Variants in ATP4B observed in about 807,000 individuals in gnomAD.
ATP4B encodes the protein potassium-transporting ATPase subunit beta.
ATP4B carries 27 observed loss-of-function variants against 35.3 expected under a neutral mutation model. The observed-to-expected ratio is 0.76, with a 90% CI of 0.56 to 1.05. The LOEUF (loss-of-function observed/expected upper bound fraction) is 1.05, where lower values mean the gene tolerates loss of function less well. Ranked by LOEUF, ATP4B falls within the 50% of genes least tolerant of loss-of-function variation. ATP4B has a pLI of 0.00. For missense variants in ATP4B, 375 were observed against 384.8 expected, an observed-to-expected ratio of 0.97 and a Z score of 0.21; for synonymous variants, 162 against 156.0, an observed-to-expected ratio of 1.04 and a Z score of -0.29.
intron 1 of ATP4B, among the ~76,000 whole-genome samples, chr13:113,657,754 C>T (rs1328221773): frequency 6.6e-6 from 1 of 152,278 alleles, no homozygotes; most frequent in African/African-American, 2.4e-5. Flanking sequence ...ATGCTGTTCT[C>T]AGACATACGG....
intron 1 of ATP4B, among the ~76,000 whole-genome samples, chr13:113,655,598 C>T (rs1026232269): frequency 5.3e-5 from 8 of 152,184 alleles, no homozygotes; most frequent in Admixed American, 3.9e-4. Flanking sequence ...ATGGGCGGCT[C>T]CTGGACACAG....
At chr13:113,657,237 G>A (rs1210096421) in intron 1 of ATP4B, among the ~76,000 whole-genome samples, 1 of 152,184 alleles carries the variant, frequency 6.6e-6, no homozygotes, top group African/African-American at 2.4e-5. Flanking sequence ...TGGGAATTGA[G>A]GAGGGCCTGA....
At chr13:113,655,311 C>T (rs1347493784) in intron 1 of ATP4B, among the ~76,000 whole-genome samples, 1 of 152,172 alleles carries the variant, frequency 6.6e-6, no homozygotes, top group East Asian at 1.9e-4. Flanking sequence ...AGTTATGGTT[C>T]CCCCATCACA....
At chr13:113,652,814 G>T in intron 4 of ATP4B, 59 bp downstream of exon 4, 1 of 1,579,674 alleles carries the variant, frequency 6.3e-7, no homozygotes, top group East Asian at 2.3e-5. Flanking sequence ...GGTGGGTGTG[G>T]GTGAGAGGCC....
chr13:113,650,542 G>T lies in ATP4B; in HGVS notation c.613-35C>A, dbSNP rs763927930. 1.3e-6 allele frequency: 2 copies of T among 1,560,906 alleles called. No individual in the cohort carries two copies. The highest frequency in any genetic ancestry group is 1.8e-6 in the Non-Finnish European group (2 of 1,141,538). On this transcript the variant is annotated intron_variant, in intron 5 of 6. Transcript: ENST00000335288. This position sits in a 1 kb window ranked among gnomAD's most constrained non-coding sequence, Gnocchi z 5.0. ...AGAGGCCACTGCCTGAGTCAGGCGGGAGCTGGTGTGTGCCGGTGTCTGTGT... is the reference window on the plus strand; with the variant it reads ...AGAGGCCACTGCCTGAGTCAGGCGGTAGCTGGTGTGTGCCGGTGTCTGTGT...
At position 113,650,027 on chromosome 13, in the gene ATP4B, T is replaced by C. The variant is rs568499851; in HGVS notation, c.714+379A>G. On this transcript the variant is annotated intron_variant, in intron 6 of 6. Coordinates refer to ENST00000335288, the MANE Select transcript of ATP4B (RefSeq NM_000705.4). This position sits in a 1 kb window ranked among gnomAD's most constrained non-coding sequence, Gnocchi z 5.0. ...AAAATACGAAAATTAGCTGGGCATGTTGGTGTGTGCCTGTGGTCTCAGCTA... is the reference window on the plus strand; with the variant it reads ...AAAATACGAAAATTAGCTGGGCATGCTGGTGTGTGCCTGTGGTCTCAGCTA... 3.3e-5 allele frequency among the ~76,000 whole-genome samples: 5 copies of C among 152,010 alleles called. No homozygotes were observed. The highest frequency in any genetic ancestry group is 5.9e-5 in the Non-Finnish European group (4 of 67,980).
chr13:113,657,961 G>C (rs2049768410), intron 1 of ATP4B, 72 bp downstream of exon 1: 2 of 1,288,830 alleles, frequency 1.6e-6, no homozygotes, highest in South Asian at 2.6e-5. Flanking sequence ...CCCTCCTCCT[G>C]AGCTCACCTG....
intron 1 of ATP4B, 44 bp downstream of exon 1, chr13:113,657,989 G>A: frequency 1.3e-6 from 2 of 1,497,014 alleles, no homozygotes; most frequent in Admixed American, 1.9e-5. Flanking sequence ...CGTCCTCAGA[G>A]CGGCCCCCTC....
At chr13:113,653,481 A>C (rs1190847438) in intron 2 of ATP4B, 47 bp from the exon 3 acceptor site, 1 of 1,546,210 alleles carries the variant, frequency 6.5e-7, no homozygotes, top group South Asian at 1.1e-5. Context: ...TGCTCACCAC[A>C]TTTAAGCCAT....
chr13:113,658,119 G>A lies in ATP4B; in HGVS notation c.26C>T (p.Thr9Met), dbSNP rs907017811. Residue 9 changes from threonine (T) to methionine (M), a missense_variant, in exon 1 of 7, where the codon ACG (threonine) becomes ATG (methionine). By Grantham distance (81) the Thr-to-Met change is moderately conservative (BLOSUM62 -1). Transcript: ENST00000335288. ...GAACTCCTCCATGCGCTGGCCACAC[G>A]TCTTCTTCTCCTGCAGAGCCGCCAT... MAALQEKK[T>M]CGQRMEEFQR... 66 of 1,612,786 alleles carry A rather than the reference G, an allele frequency of 4.1e-5. No individual in the cohort carries two copies. Among genetic ancestry groups the A allele is most frequent in the Admixed American group, 3.0e-4 (18 of 59,940 alleles).
chr13:113,658,127 C>G lies in ATP4B; in HGVS notation c.18G>C (p.Glu6Asp), dbSNP rs1031517608. The G allele has an allele frequency of 6.2e-7, 1 of 1,612,876 alleles. No homozygotes were observed. The highest frequency in any genetic ancestry group is 8.5e-7 in the Non-Finnish European group (1 of 1,179,756). The change falls in exon 1 of 7, where the codon GAG becomes GAC. Residue 6 changes from glutamate to aspartate, a missense_variant. Glu to Asp is a conservative substitution (Grantham distance 45). Transcript: ENST00000335288. MAALQ[E>D]KKTCGQRMEE... The stretch of plus-strand genomic sequence containing the variant: ...CCATGCGCTGGCCACACGTCTTCTT[C>G]TCCTGCAGAGCCGCCATCGTCCCTG...
chr13:113,649,811 C>A lies in ATP4B; in HGVS notation c.715-276G>T, dbSNP rs148609852. Among the ~76,000 whole-genome samples, 3 of 152,110 alleles carry A rather than the reference C, an allele frequency of 2.0e-5. No individual in the cohort carries two copies. In the South Asian group the frequency reaches 6.2e-4, roughly 31 times the overall value. On this transcript the variant is annotated intron_variant, in intron 6 of 6. Coordinates refer to ENST00000335288, the MANE Select transcript of ATP4B (RefSeq NM_000705.4). This position sits in a 1 kb window ranked among gnomAD's most constrained non-coding sequence, Gnocchi z 4.7. Reference sequence around the variant, plus strand: ...ACGTAAAAATGAAACAGGAAAAGCACGTGATGTGGAGGAAAGTCTTCGAAG... The same window carrying A: ...ACGTAAAAATGAAACAGGAAAAGCAAGTGATGTGGAGGAAAGTCTTCGAAG...
Position 113,650,119 on chromosome 13 carries a change from TAA to T in ATP4B, c.714+285_714+286del, listed in dbSNP as rs1029065699. 1.3e-5 allele frequency among the ~76,000 whole-genome samples: 2 copies of T among 150,342 alleles called. No individual in the cohort carries two copies. Among genetic ancestry groups the T allele is most frequent in the Admixed American group, 1.3e-4 (2 of 15,084 alleles). Reference sequence around the variant, plus strand: ...TTGAGGCTGCAATGAGCTAAGATGCTAAGATTGCATTGCTGCAATCCACCCTG... The same window carrying T: ...TTGAGGCTGCAATGAGCTAAGATGCTGATTGCATTGCTGCAATCCACCCTG... On this transcript the variant is annotated intron_variant, in intron 6 of 6. Transcript: ENST00000335288. The surrounding 1 kb of genome is among the most constrained non-coding windows in gnomAD (Gnocchi z 5.0).
At position 113,658,051 on chromosome 13, in the gene ATP4B, G is replaced by A. The variant is rs773579097; in HGVS notation, c.94C>T (p.Arg32Cys). ...WNPDTGQMLG[R>C]TLSRWVWISL... ...CACGTACCCCACCGGGACAGGGTGC[G>A]GCCCAGCATCTGCCCCGTGTCCGGG... Residue 32 changes from arginine to cysteine, a missense_variant, in exon 1 of 7, where the codon CGC becomes TGC. Transcript: ENST00000335288. 1.3e-5 allele frequency: 21 copies of A among 1,605,356 alleles called. No homozygotes were observed. The highest frequency in any genetic ancestry group is 6.7e-5 in the East Asian group (3 of 44,490).
chr13:113,654,679 C>T (rs1004737234), intron 2 of ATP4B, 135 bp downstream of exon 2: 44 of 1,374,744 alleles, frequency 3.2e-5, no homozygotes, highest in African/African-American at 4.4e-5. Flanking sequence ...GTGTGTGGCT[C>T]ACCCTGGGGC....
chr13:113,657,082 GC>G (rs573998445), intron 1 of ATP4B, among the ~76,000 whole-genome samples: 2 of 152,356 alleles, frequency 1.3e-5, no homozygotes, highest in East Asian at 3.9e-4. Flanking sequence ...GGGGGCTGCA[GC>G]CTTCACCAGC....
Position 113,658,145 on chromosome 13 carries a change from C to T in ATP4B, c.-1G>A, listed in dbSNP as rs552608945. On this transcript the variant is annotated 5_prime_UTR_variant, in exon 1 of 7. Coordinates refer to ENST00000335288, the MANE Select transcript of ATP4B (RefSeq NM_000705.4). ...TCTTCTTCTCCTGCAGAGCCGCCAT[C>T]GTCCCTGGCCTGAGATCCTCCCGTC... 9 of 1,611,044 alleles carry T rather than the reference C, an allele frequency of 5.6e-6. No homozygotes were observed. The highest frequency in any genetic ancestry group is 2.2e-5 in the East Asian group (1 of 44,794).
Position 113,649,010 on chromosome 13 carries a change from G to GGGT in ATP4B, c.*363_*364insACC, listed in dbSNP as rs879403172. The GGGT allele has an allele frequency of 1.8e-5, 3 of 167,052 alleles. No individual in the cohort carries two copies. The highest frequency in any genetic ancestry group is 7.3e-5 in the African/African-American group (3 of 41,288). 10.3% of individuals were successfully genotyped at this position (167,052 alleles called of 1,614,324 possible). ...TAGTTTTTATATTAATGTGGGGGGG[G>GGGT]CAGTTCATATTGAAGTGTAGAAAAA... On this transcript the variant is annotated 3_prime_UTR_variant, in exon 7 of 7. Transcript: ENST00000335288. The surrounding 1 kb of genome is among the most constrained non-coding windows in gnomAD (Gnocchi z 4.7).
Position 113,654,912 on chromosome 13 carries a change from T to C in ATP4B, c.143A>G (p.Tyr48Cys), listed in dbSNP as rs1167130793. ...GGCGAAGAGCCCAGTCATCACCACG[T>C]AGAAGGCCACGTAGTACAGGCTGAT... ...VWISLYYVAF[Y>C]VVMTGLFALC... The change falls in exon 2 of 7, where the codon TAC becomes TGC. Residue 48 changes from tyrosine (Y) to cysteine (C), a missense_variant. Tyr to Cys is a radical substitution (Grantham distance 194, BLOSUM62 -2). Coordinates refer to ENST00000335288, the MANE Select transcript of ATP4B (RefSeq NM_000705.4). 3 of 1,614,030 alleles carry C rather than the reference T, an allele frequency of 1.9e-6. No homozygotes were observed. The highest frequency in any genetic ancestry group is 1.3e-5 in the African/African-American group (1 of 74,922).
Sources: allele counts gnomAD v4.1 joint callset (sites outside exome capture counted in the v4.1 genomes callset), GRCh38; gene constraint gnomAD v4.1.1; non-coding constraint Gnocchi (gnomAD v3.1); transcripts MANE v1.5; gene names NCBI Gene and HGNC (gene_info 2026-07-23, HGNC 2026-07-21).